HMBOX1: variants seen among roughly 807,000 people sequenced by gnomAD.
The protein encoded by HMBOX1 is homeobox containing 1.
A neutral mutation model predicts 54.5 loss-of-function variants in HMBOX1; 14 were observed. That is an observed-to-expected ratio of 0.26 (90% CI 0.17 to 0.40). The LOEUF is 0.40. Ranked by LOEUF, HMBOX1 falls within the 10% of genes least tolerant of loss-of-function variation. The pLI, the probability that HMBOX1 is intolerant of heterozygous loss-of-function variation, is 1.00. For missense variants in HMBOX1, 332 were observed against 514.4 expected, an observed-to-expected ratio of 0.65 and a Z score of 3.43; for synonymous variants, 160 against 181.0, an observed-to-expected ratio of 0.88 and a Z score of 0.93.
chr8:29,031,851 C>T (rs933438945), intron 6 of HMBOX1, among the ~76,000 whole-genome samples: 11 of 152,038 alleles, frequency 7.2e-5, no homozygotes, highest in African/African-American at 2.7e-4. Flanking sequence ...GTACCAAGTA[C>T]AATAAGGACA....
At chr8:28,984,400 A>G (rs997608752) in intron 4 of HMBOX1, among the ~76,000 whole-genome samples, 1 of 152,252 alleles carries the variant, frequency 6.6e-6, no homozygotes, top group Non-Finnish European at 1.5e-5. Flanking sequence ...AAATTATAAC[A>G]CATGTGCTTG....
intron 6 of HMBOX1, among the ~76,000 whole-genome samples, chr8:29,037,814 T>C (rs1430590487): frequency 6.6e-6 from 1 of 152,142 alleles, no homozygotes; most frequent in African/African-American, 2.4e-5. Context: ...AGGTTCTAAG[T>C]ATGTTTAAAG....
intron 3 of HMBOX1, among the ~76,000 whole-genome samples, chr8:28,974,723 C>T (rs1197418598): frequency 6.6e-6 from 1 of 152,072 alleles, no homozygotes; most frequent in African/African-American, 2.4e-5. Context: ...TAAAGTTATA[C>T]TTTGTCTCCA....
chr8:29,018,985 A>G, intron 6 of HMBOX1, 72 bp downstream of exon 6: 1 of 1,399,354 alleles, frequency 7.1e-7, no homozygotes. Flanking sequence ...AGACTGGGAC[A>G]GTTTTCATTT....
At chr8:29,050,336 T>G (rs1418826171) in intron 9 of HMBOX1, 6 of 542,072 alleles carry the variant, frequency 1.1e-5, no homozygotes, top group Non-Finnish European at 1.4e-5. Flanking sequence ...CACAGCTTTA[T>G]TGTTTAACAC....
chr8:28,946,330 A>G (rs1231923767), intron 1 of HMBOX1, among the ~76,000 whole-genome samples: 1 of 151,646 alleles, frequency 6.6e-6, no homozygotes, highest in East Asian at 2.0e-4. Flanking sequence ...GCACTTTGGG[A>G]GGCCAAGGTG....
rs919473255 is a variant in HMBOX1 at position 28,945,802 on chromosome 8, G to GT, written c.-57-17998dup. On this transcript the variant is annotated intron_variant, in intron 1 of 9. Coordinates refer to ENST00000287701, the MANE Select transcript of HMBOX1 (RefSeq NM_001135726.3). ...ATTCTCTGCCTTTCATGGGGAAAAG[G>GT]TTTTTTTTTTTCCACTTTTTGAAGT... 4.7e-3 allele frequency among the ~76,000 whole-genome samples: 680 copies of GT among 145,880 alleles called. 3 individuals carry two copies. The highest frequency in any genetic ancestry group is 9.4e-3 in the South Asian group (43 of 4,560).
At chr8:28,929,722 C>G (rs1316694238) in intron 1 of HMBOX1, among the ~76,000 whole-genome samples, 1 of 152,086 alleles carries the variant, frequency 6.6e-6, no homozygotes, top group Non-Finnish European at 1.5e-5. Context: ...ATATGCATGT[C>G]TGGAGCTCAC....
In HMBOX1 at chr8:29,052,184, T is replaced by G. The variant is rs1806502117; in HGVS notation, c.*1029T>G. 6.5e-6 allele frequency: 1 copy of G among 152,950 alleles called. No homozygotes were observed. The highest frequency in any genetic ancestry group is 6.5e-5 in the Admixed American group (1 of 15,436). 9.5% of individuals were successfully genotyped at this position (152,950 alleles called of 1,614,324 possible). ...ATCCATTAAACGGAAGCCCCCTCAC[T>G]CTGAGAGGTCACTAGAGGACTTCAT... On this transcript the variant is annotated 3_prime_UTR_variant, in exon 10 of 10. Coordinates refer to ENST00000287701, the MANE Select transcript of HMBOX1 (RefSeq NM_001135726.3).
chr8:29,044,243 G>A (rs868429791), intron 6 of HMBOX1, among the ~76,000 whole-genome samples: 8 of 152,306 alleles, frequency 5.3e-5, no homozygotes, highest in Non-Finnish European at 1.0e-4. Context: ...GAAGGCATAA[G>A]AAAGGCTGGA....
intron 1 of HMBOX1, among the ~76,000 whole-genome samples, chr8:28,898,158 C>CA (rs141992332): frequency 0.11 from 16,144 of 152,058 alleles, 1,044 homozygotes; most frequent in Middle Eastern, 0.16. Context: ...AATGTATTAA[C>CA]AAATAAAGGT....
At chr8:28,928,627 A>C (rs941437243) in intron 1 of HMBOX1, among the ~76,000 whole-genome samples, 1 of 152,232 alleles carries the variant, frequency 6.6e-6, no homozygotes, top group Non-Finnish European at 1.5e-5. Context: ...TCCCCAGATA[A>C]ATAAAGAAAA....
intron 2 of HMBOX1, among the ~76,000 whole-genome samples, chr8:28,964,619 C>G (rs749649757): frequency 2.0e-5 from 3 of 152,136 alleles, no homozygotes; most frequent in Non-Finnish European, 4.4e-5. Flanking sequence ...GATGGAGTCT[C>G]CACTTTGCTT....
At chr8:29,010,747 T>G (rs1834121865) in intron 5 of HMBOX1, among the ~76,000 whole-genome samples, 1 of 152,086 alleles carries the variant, frequency 6.6e-6, no homozygotes, top group South Asian at 2.1e-4. Flanking sequence ...ATATCCAGTC[T>G]GAGTCACATT....
intron 1 of HMBOX1, among the ~76,000 whole-genome samples, chr8:28,927,604 C>T (rs1476410439): frequency 6.6e-6 from 1 of 152,020 alleles, no homozygotes; most frequent in Non-Finnish European, 1.5e-5. Context: ...TAACACCAAG[C>T]CATTCATGAG....
chr8:29,003,555 A>T (rs371373905), intron 4 of HMBOX1, among the ~76,000 whole-genome samples: 21 of 71,286 alleles, frequency 2.9e-4, no homozygotes, highest in South Asian at 1.1e-3. Flanking sequence ...TTCTGTATTA[A>T]ATATATATAT....
At chr8:28,934,242 C>G (rs959547978) in intron 1 of HMBOX1, among the ~76,000 whole-genome samples, 1 of 152,108 alleles carries the variant, frequency 6.6e-6, no homozygotes, top group Non-Finnish European at 1.5e-5. Flanking sequence ...TCAATAGATG[C>G]AGAAAGACAT....
At chr8:28,906,581 CTT>C (rs1244694344) in intron 1 of HMBOX1, among the ~76,000 whole-genome samples, 1 of 151,950 alleles carries the variant, frequency 6.6e-6, no homozygotes, top group African/African-American at 2.4e-5. Flanking sequence ...AAAATGATGA[CTT>C]ATTATTATTA....
chr8:28,899,553 T>C (rs2131552114), intron 1 of HMBOX1, among the ~76,000 whole-genome samples: 1 of 152,356 alleles, frequency 6.6e-6, no homozygotes, highest in South Asian at 2.1e-4. Context: ...TCTGTAGTAG[T>C]GAGCATCTTG....
Sources: allele counts gnomAD v4.1 joint callset (sites outside exome capture counted in the v4.1 genomes callset), GRCh38; gene constraint gnomAD v4.1.1; transcripts MANE v1.5; gene names NCBI Gene and HGNC (gene_info 2026-07-23, HGNC 2026-07-21).